The following DENND5A variants were observed in gnomAD, a reference collection of about 807,000 sequenced individuals.
DENND5A encodes DENN domain containing 5A.
DENND5A carries 64 observed loss-of-function variants against 140.3 expected under a neutral mutation model. That is an observed-to-expected ratio of 0.46 (90% confidence interval 0.37 to 0.56). The LOEUF (loss-of-function observed/expected upper bound fraction) is 0.56, where lower values mean the gene tolerates loss of function less well. Among genes scored for constraint, DENND5A ranks in the 20% least tolerant of loss-of-function variants. The pLI is 0.00. For synonymous variants in DENND5A, 605 were observed against 607.7 expected (o/e 1.00, Z 0.07); for missense variants, 1,292 against 1,593.8 (o/e 0.81, Z 3.22).
At chr11:9,203,045 C>A (rs897100455) in intron 4 of DENND5A, among the ~76,000 whole-genome samples, 14 of 152,128 alleles carry the variant, frequency 9.2e-5, no homozygotes, top group African/African-American at 3.1e-4. Context: ...CCACCACTAC[C>A]CTTGAAACAA....
At chr11:9,148,052 G>A (rs578113239) in intron 15 of DENND5A, among the ~76,000 whole-genome samples, 32 of 152,322 alleles carry the variant, frequency 2.1e-4, no homozygotes, top group African/African-American at 6.7e-4. Context: ...AGAGGAAAGC[G>A]CCTATCCTCA....
intron 1 of DENND5A, among the ~76,000 whole-genome samples, chr11:9,251,532 T>G (rs1407478145): frequency 6.6e-6 from 1 of 152,138 alleles, no homozygotes; most frequent in African/African-American, 2.4e-5. Flanking sequence ...GAAGGCATAC[T>G]GAAAACAACT....
At chr11:9,237,841 C>A (rs184294621) in intron 1 of DENND5A, among the ~76,000 whole-genome samples, 1 of 152,192 alleles carries the variant, frequency 6.6e-6, no homozygotes, top group Non-Finnish European at 1.5e-5. Flanking sequence ...CGAGATTACA[C>A]CACTGCATTT....
At chr11:9,201,207 A>C (rs563664760) in intron 4 of DENND5A, among the ~76,000 whole-genome samples, 104 of 152,046 alleles carry the variant, frequency 6.8e-4, no homozygotes, top group Admixed American at 1.2e-3. Context: ...CTCTACAAAA[A>C]AAAAAAATTT....
chr11:9,150,591 C>A, intron 14 of DENND5A, 89 bp downstream of exon 14: 1 of 831,942 alleles, frequency 1.2e-6, no homozygotes. Flanking sequence ...GCTGTAGCAG[C>A]CACTGAGACC....
chr11:9,154,408 T>C (rs1326181903), intron 12 of DENND5A, among the ~76,000 whole-genome samples: 2 of 152,190 alleles, frequency 1.3e-5, no homozygotes, highest in Non-Finnish European at 2.9e-5. Context: ...TTTTAAGTTA[T>C]ACTTTCTGAG....
At chr11:9,142,216 T>A (rs1336060856) in intron 21 of DENND5A, 108 bp from the exon 22 acceptor site, 1 of 823,608 alleles carries the variant, frequency 1.2e-6, no homozygotes, top group Non-Finnish European at 1.9e-6. Context: ...GGTAACTTAA[T>A]GAGAATAGCA....
intron 8 of DENND5A, among the ~76,000 whole-genome samples, chr11:9,176,600 C>T (rs1023074472): frequency 6.6e-6 from 1 of 151,972 alleles, no homozygotes; most frequent in African/African-American, 2.4e-5. Flanking sequence ...TAAGCTGTTC[C>T]CCAATAATGA....
chr11:9,180,299 T>A (rs954235), intron 6 of DENND5A, among the ~76,000 whole-genome samples: 32,863 of 149,292 alleles, frequency 0.22, 3,773 homozygotes, highest in African/African-American at 0.3. Flanking sequence ...AAAAAAAAAA[T>A]AATAATAATT....
At position 9,170,809 on chromosome 11, in the gene DENND5A, C is replaced by T. The variant is rs775798874; in HGVS notation, c.1907-32G>A. 3.1e-6 allele frequency: 5 copies of T among 1,611,530 alleles called. No homozygotes were observed. In the African/African-American group the frequency reaches 4.0e-5, roughly 13 times the overall value. ...GAGAATACACACACACACACACACA[C>T]ACACACACATAAATACACACACAAA... On this transcript the variant is annotated intron_variant, in intron 8 of 22. Transcript: ENST00000328194.
chr11:9,180,560 G>A (rs189145084), intron 6 of DENND5A, among the ~76,000 whole-genome samples: 49 of 152,268 alleles, frequency 3.2e-4, no homozygotes, highest in Non-Finnish European at 5.0e-4. Flanking sequence ...TGTTCAAAGC[G>A]GAAGCTACTC....
chr11:9,210,237 T>C (rs1467196266), intron 1 of DENND5A, among the ~76,000 whole-genome samples: 2 of 152,172 alleles, frequency 1.3e-5, no homozygotes, highest in Non-Finnish European at 2.9e-5. Flanking sequence ...ATTCAAACAA[T>C]ATTAGGAATA....
intron 12 of DENND5A, among the ~76,000 whole-genome samples, chr11:9,157,489 CCA>C (rs1847848521): frequency 6.6e-6 from 1 of 152,320 alleles, no homozygotes; most frequent in East Asian, 1.9e-4. Context: ...CTCCCACTCT[CCA>C]CTCTCAAGCA....
intron 5 of DENND5A, among the ~76,000 whole-genome samples, chr11:9,184,678 T>C (rs748303344): frequency 6.6e-6 from 1 of 152,230 alleles, no homozygotes; most frequent in Non-Finnish European, 1.5e-5. Context: ...GTGTATTTGA[T>C]TTCACTTCCC....
At chr11:9,184,560 T>C (rs1478728744) in intron 5 of DENND5A, among the ~76,000 whole-genome samples, 1 of 152,198 alleles carries the variant, frequency 6.6e-6, no homozygotes, top group African/African-American at 2.4e-5. Context: ...TTTACATTTT[T>C]AACCAGCAAA....
At chr11:9,149,919 T>C (rs1440593220) in intron 15 of DENND5A, among the ~76,000 whole-genome samples, 162 bp downstream of exon 15, 1 of 152,132 alleles carries the variant, frequency 6.6e-6, no homozygotes, top group African/African-American at 2.4e-5. Context: ...CTTCTACTGA[T>C]AAAAAGGGAG....
chr11:9,168,325 C>A (rs545980874), intron 10 of DENND5A, among the ~76,000 whole-genome samples: 20 of 152,300 alleles, frequency 1.3e-4, no homozygotes, highest in Non-Finnish European at 2.1e-4. Context: ...AATTTCCCTG[C>A]ACAAGCTCTC....
chr11:9,166,421 G>A (rs574974697), intron 10 of DENND5A, among the ~76,000 whole-genome samples: 12 of 152,206 alleles, frequency 7.9e-5, no homozygotes, highest in Non-Finnish European at 1.6e-4. Context: ...GGCTCAGATA[G>A]TTAGGAATAG....
chr11:9,243,895 A>C (rs966151376), intron 1 of DENND5A, among the ~76,000 whole-genome samples: 12 of 152,194 alleles, frequency 7.9e-5, no homozygotes, highest in East Asian at 1.9e-4. Context: ...CACACACACA[A>C]AAAATAATAT....
Sources: gnomAD v4.1 joint callset for allele counts (sites outside exome capture counted in the v4.1 genomes callset) on GRCh38, gnomAD v4.1.1 for gene constraint, MANE v1.5 for transcripts, NCBI Gene and HGNC (gene_info 2026-07-23, HGNC 2026-07-21) for gene names.